SPACA7: variants seen among roughly 807,000 people sequenced by gnomAD.
The protein encoded by SPACA7 is sperm acrosome-associated protein 7.
A neutral mutation model predicts 26.3 loss-of-function variants in SPACA7; 19 were observed. The ratio of observed to expected loss-of-function variants is 0.72; its 90% CI spans 0.50 to 1.06. The LOEUF (loss-of-function observed/expected upper bound fraction) is 1.06, where lower values mean the gene tolerates loss of function less well. SPACA7 is among the 50% of genes least tolerant of loss of function. The pLI is 0.00. For missense variants in SPACA7, 211 were observed against 229.9 expected (o/e 0.92, Z 0.53); for synonymous variants, 84 against 84.5 (o/e 0.99, Z 0.04).
chr13:112,414,975 A>G (rs529582731), intron 5 of SPACA7, among the ~76,000 whole-genome samples: 5 of 152,308 alleles, frequency 3.3e-5, no homozygotes, highest in Non-Finnish European at 7.3e-5. Context: ...GATTCAAAGG[A>G]GACTGACTGA....
chr13:112,403,526 C>T (rs1006066550), intron 5 of SPACA7, among the ~76,000 whole-genome samples: 4 of 151,928 alleles, frequency 2.6e-5, no homozygotes, highest in South Asian at 2.1e-4. Flanking sequence ...ACCCATCATC[C>T]GAACAGTACA....
At chr13:112,386,330 C>T (rs1884523805) in intron 1 of SPACA7, among the ~76,000 whole-genome samples, 1 of 152,182 alleles carries the variant, frequency 6.6e-6, no homozygotes, top group South Asian at 2.1e-4. Context: ...CTAGTTATTA[C>T]ACACCAAAGC....
chr13:112,401,607 A>T (rs1463859776), intron 5 of SPACA7, among the ~76,000 whole-genome samples: 1 of 152,206 alleles, frequency 6.6e-6, no homozygotes, highest in Non-Finnish European at 1.5e-5. Flanking sequence ...ATTTTTGTGT[A>T]GCCAAAATTA....
In SPACA7 at chr13:112,385,592, C is replaced by A. The variant is rs545255563; in HGVS notation, c.95-7429C>A. Among the ~76,000 whole-genome samples, 15 of 152,230 alleles carry A rather than the reference C, an allele frequency of 9.9e-5. 1 individual carries two copies. The highest frequency in any genetic ancestry group is 3.6e-4 in the African/African-American group (15 of 41,554). On this transcript the variant is annotated intron_variant, in intron 1 of 6. Coordinates refer to ENST00000283550, the MANE Select transcript of SPACA7 (RefSeq NM_145248.5). ...AATGCTTCAAAGTAGGTAAATTGAA[C>A]AATTTTTAAAAGTCAAGGAAATAGT... is the stretch of plus-strand genomic sequence containing the variant.
In SPACA7 at chr13:112,400,961, T is replaced by A. The variant is rs188410184; in HGVS notation, c.350-108T>A. On this transcript the variant is annotated intron_variant, in intron 4 of 6. Transcript: ENST00000283550. ...CATATTTTCAAATAAAACTTGAAAA[T>A]GATATTAGCATCTCAACTTAGCATG... is the stretch of plus-strand genomic sequence containing the variant. 9.7e-5 allele frequency: 75 copies of A among 770,954 alleles called. No individual in the cohort carries two copies. The African/African-American group carries it at 1.2e-3, about 13-fold the overall frequency. The allele number at this position is 770,954 out of a possible 1,614,324, so 47.8% of individuals were successfully genotyped here.
chr13:112,397,094 G>C (rs2138940116), intron 2 of SPACA7, among the ~76,000 whole-genome samples: 1 of 152,356 alleles, frequency 6.6e-6, no homozygotes, highest in South Asian at 2.1e-4. Flanking sequence ...GCGGCTGCTG[G>C]GTGAGAAACC....
At chr13:112,378,349 C>A (rs1021125838) in intron 1 of SPACA7, among the ~76,000 whole-genome samples, 1 of 152,158 alleles carries the variant, frequency 6.6e-6, no homozygotes, top group Non-Finnish European at 1.5e-5. Flanking sequence ...TTCATTAAAA[C>A]ATAAAATATG....
intron 1 of SPACA7, among the ~76,000 whole-genome samples, chr13:112,381,680 G>C (rs138245413): frequency 6.6e-6 from 1 of 152,138 alleles, no homozygotes; most frequent in Non-Finnish European, 1.5e-5. Flanking sequence ...CCAGGCATTC[G>C]GGAAACAGAG....
intron 2 of SPACA7, among the ~76,000 whole-genome samples, chr13:112,395,362 T>C (rs1358443238): frequency 6.6e-6 from 1 of 152,252 alleles, no homozygotes; most frequent in Non-Finnish European, 1.5e-5. Flanking sequence ...GGGTTGCGCT[T>C]CGGCTGCCTG....
intron 2 of SPACA7, among the ~76,000 whole-genome samples, chr13:112,395,758 C>T (rs953205536): frequency 1.3e-5 from 2 of 152,184 alleles, no homozygotes; most frequent in Non-Finnish European, 2.9e-5. Flanking sequence ...GAGTGAGCCA[C>T]TGCGCCCAGC....
chr13:112,412,613 T>C (rs1886420899), intron 5 of SPACA7, among the ~76,000 whole-genome samples: 1 of 151,410 alleles, frequency 6.6e-6, no homozygotes, highest in African/African-American at 2.4e-5. Context: ...CTTTAACCCA[T>C]TTTGAGTTGA....
At chr13:112,414,586 T>C (rs1394768465) in intron 5 of SPACA7, among the ~76,000 whole-genome samples, 3 of 151,966 alleles carry the variant, frequency 2.0e-5, no homozygotes, top group Admixed American at 2.0e-4. Flanking sequence ...AATTTTTGTA[T>C]TTTTAGTGGA....
intron 5 of SPACA7, among the ~76,000 whole-genome samples, chr13:112,428,943 T>C (rs1876803579): frequency 6.6e-6 from 1 of 152,236 alleles, no homozygotes; most frequent in Non-Finnish European, 1.5e-5. Flanking sequence ...GAGAAAGCAC[T>C]GTTGAAATCT....
chr13:112,426,650 A>G (rs562076413), intron 5 of SPACA7, among the ~76,000 whole-genome samples: 1 of 152,326 alleles, frequency 6.6e-6, no homozygotes, highest in South Asian at 2.1e-4. Context: ...AGTTACTGAT[A>G]TTATTATAAA....
chr13:112,397,182 CT>C (rs1885327733), intron 2 of SPACA7, among the ~76,000 whole-genome samples: 1 of 152,238 alleles, frequency 6.6e-6, no homozygotes, highest in African/African-American at 2.4e-5. Context: ...GCCTCTTCCC[CT>C]TTACCCTCGA....
chr13:112,430,166 C>CTGTGTGTGTG (rs1328761003), intron 5 of SPACA7, among the ~76,000 whole-genome samples: 6 of 134,504 alleles, frequency 4.5e-5, no homozygotes, highest in African/African-American at 1.7e-4. Flanking sequence ...TCCCTTGCAT[C>CTGTGTGTGTG]TCTCTCTCTG....
chr13:112,401,689 G>T (rs1566470413), intron 5 of SPACA7, among the ~76,000 whole-genome samples: 2 of 152,234 alleles, frequency 1.3e-5, no homozygotes, highest in African/African-American at 2.4e-5. Flanking sequence ...GGCTAAAGAA[G>T]AATTTGTTTT....
At chr13:112,427,258 G>A (rs541945787) in intron 5 of SPACA7, among the ~76,000 whole-genome samples, 60 of 152,324 alleles carry the variant, frequency 3.9e-4, no homozygotes, top group South Asian at 1.9e-3. Context: ...ATGAAAGAAT[G>A]AGCATGGCTG....
Position 112,381,680 on chromosome 13 carries a change from G to A in SPACA7, c.94+5201G>A, listed in dbSNP as rs138245413. ...CTCAAATCAGTCTCCCCAGGCATTC[G>A]GGAAACAGAGTTTTTACGGATAACT... On this transcript the variant is annotated intron_variant, in intron 1 of 6. Transcript: ENST00000283550. Among the ~76,000 whole-genome samples the A allele has an allele frequency of 4.6e-5, 7 of 152,256 alleles. No individual in the cohort carries two copies. In the East Asian group the frequency reaches 9.6e-4, roughly 21 times the overall value.
Sources: gnomAD v4.1 joint callset for allele counts (sites outside exome capture counted in the v4.1 genomes callset) on GRCh38, gnomAD v4.1.1 for gene constraint, MANE v1.5 for transcripts, NCBI Gene and HGNC (gene_info 2026-07-23, HGNC 2026-07-21) for gene names.